Variants in SCAPER observed in about 807,000 individuals in gnomAD.
SCAPER encodes the protein S phase cyclin A-associated protein in the endoplasmic reticulum.
SCAPER carries 98 observed loss-of-function variants against 182.2 expected under a neutral mutation model. That is an observed-to-expected ratio of 0.54 (90% confidence interval 0.46 to 0.64). SCAPER has a LOEUF of 0.64. Ranked by LOEUF, SCAPER falls within the 30% of genes least tolerant of loss-of-function variation. SCAPER has a pLI of 0.00. For synonymous variants in SCAPER, 605 were observed against 564.6 expected, an observed-to-expected ratio of 1.07 and a Z score of -1.01; for missense variants, 1,432 against 1,690.0, an observed-to-expected ratio of 0.85 and a Z score of 2.68.
At chr15:76,826,915 T>A (rs1419100780) in intron 5 of SCAPER, among the ~76,000 whole-genome samples, 1 of 152,252 alleles carries the variant, frequency 6.6e-6, no homozygotes, top group Non-Finnish European at 1.5e-5. Context: ...GGCTAGATTA[T>A]ATGATTTTTA....
chr15:76,813,144 C>T (rs1430291306), intron 5 of SCAPER, among the ~76,000 whole-genome samples: 11 of 142,778 alleles, frequency 7.7e-5, no homozygotes, highest in Non-Finnish European at 1.7e-4. Flanking sequence ...AACACATTAG[C>T]ACAATGATAG....
At chr15:76,852,071 C>A (rs1457526980) in intron 4 of SCAPER, among the ~76,000 whole-genome samples, 1 of 151,430 alleles carries the variant, frequency 6.6e-6, no homozygotes, top group African/African-American at 2.4e-5. Flanking sequence ...TTTGGGCCAA[C>A]AAAGATCAAA....
At chr15:76,443,725 C>T (rs1424266925) in intron 25 of SCAPER, among the ~76,000 whole-genome samples, 2 of 152,210 alleles carry the variant, frequency 1.3e-5, no homozygotes, top group Non-Finnish European at 1.5e-5. Context: ...TTGATGAGTG[C>T]CGAAACCATT....
chr15:76,698,253 T>C (rs1276167049), intron 20 of SCAPER, among the ~76,000 whole-genome samples: 2 of 151,924 alleles, frequency 1.3e-5, no homozygotes, highest in African/African-American at 4.8e-5. Context: ...AAATTGAGAG[T>C]TCTACTCCCA....
chr15:76,878,901 TCAAA>T (rs879263672), intron 2 of SCAPER, among the ~76,000 whole-genome samples: 5 of 152,004 alleles, frequency 3.3e-5, no homozygotes, highest in Non-Finnish European at 5.9e-5. Flanking sequence ...TGGCCAATAA[TCAAA>T]CAAAGAAGTA....
At chr15:76,559,924 GTGTGTGTGTA>G (rs925844041) in intron 23 of SCAPER, among the ~76,000 whole-genome samples, 2 of 152,138 alleles carry the variant, frequency 1.3e-5, no homozygotes, top group Non-Finnish European at 2.9e-5. Flanking sequence ...ATATGTGTGT[GTGTGTGTGTA>G]TGTGTGTGTG....
intron 2 of SCAPER, among the ~76,000 whole-genome samples, chr15:76,876,192 C>T (rs1024300953): frequency 2.0e-5 from 3 of 152,194 alleles, no homozygotes; most frequent in African/African-American, 4.8e-5. Context: ...GCCCGTGCCT[C>T]TCCCTCCACA....
intron 23 of SCAPER, among the ~76,000 whole-genome samples, chr15:76,535,632 G>T (rs911568016): frequency 2.0e-5 from 3 of 146,566 alleles, no homozygotes; most frequent in Non-Finnish European, 3.0e-5. Context: ...GAAAATTTAT[G>T]TTGCCCAGAC....
chr15:76,617,394 T>C (rs939098996), intron 22 of SCAPER, among the ~76,000 whole-genome samples: 4 of 152,226 alleles, frequency 2.6e-5, no homozygotes, highest in African/African-American at 9.6e-5. Flanking sequence ...ACCTTTGTCG[T>C]TGCATCAGTA....
chr15:76,736,803 T>G (rs1395517561), intron 15 of SCAPER: 1 of 157,998 alleles, frequency 6.3e-6, no homozygotes, highest in East Asian at 1.8e-4. Context: ...CCATCCCTGA[T>G]AGAGGAGGAC....
In SCAPER at chr15:76,602,300, C is replaced by G. The variant is rs2066754097; in HGVS notation, c.2711+19464G>C. On this transcript the variant is annotated intron_variant, in intron 22 of 31. Coordinates refer to ENST00000563290, the MANE Select transcript of SCAPER (RefSeq NM_020843.4). ...ACTTCTTTTAACATTTCCTGCAAGGCAAGTCTAATAGCAACAATTCCCTCA... is the reference window on the plus strand; with the variant it reads ...ACTTCTTTTAACATTTCCTGCAAGGGAAGTCTAATAGCAACAATTCCCTCA... 1.6e-5 allele frequency among the ~76,000 whole-genome samples: 2 copies of G among 121,560 alleles called. 1 individual carries two copies. Among genetic ancestry groups the G allele is most frequent in the Non-Finnish European group, 4.0e-5 (2 of 50,004 alleles). 79.7% of individuals were successfully genotyped at this position (121,560 alleles called of 152,430 possible). A position where few individuals can be genotyped will look rare whatever the true frequency, so the allele number is the denominator to read the frequency against.
chr15:76,888,517 T>C (rs941430739), intron 1 of SCAPER, among the ~76,000 whole-genome samples: 2 of 152,100 alleles, frequency 1.3e-5, no homozygotes, highest in African/African-American at 2.4e-5. Context: ...GCAAGAGAAC[T>C]TCGTGACGCA....
chr15:76,689,347 G>A (rs549121733), intron 20 of SCAPER, among the ~76,000 whole-genome samples: 1 of 152,116 alleles, frequency 6.6e-6, no homozygotes, highest in African/African-American at 2.4e-5. Flanking sequence ...AAAACCATTA[G>A]CAAGTTTGAT....
At chr15:76,809,646 G>A (rs960585230) in intron 5 of SCAPER, among the ~76,000 whole-genome samples, 1 of 152,122 alleles carries the variant, frequency 6.6e-6, no homozygotes, top group Non-Finnish European at 1.5e-5. Flanking sequence ...ATGCATTATT[G>A]GAGTTAGAAA....
intron 23 of SCAPER, among the ~76,000 whole-genome samples, chr15:76,517,948 G>T (rs2042565171): frequency 6.6e-6 from 1 of 151,982 alleles, no homozygotes; most frequent in African/African-American, 2.4e-5. Flanking sequence ...AGAATATAAA[G>T]GAATGTTAAG....
At chr15:76,572,054 T>C (rs1358495659) in intron 23 of SCAPER, among the ~76,000 whole-genome samples, 1 of 152,180 alleles carries the variant, frequency 6.6e-6, no homozygotes, top group Non-Finnish European at 1.5e-5. Context: ...ACAGACCATT[T>C]AGACTGGGAG....
chr15:76,878,781 G>A (rs1343586324), intron 2 of SCAPER, among the ~76,000 whole-genome samples: 1 of 151,904 alleles, frequency 6.6e-6, no homozygotes, highest in Non-Finnish European at 1.5e-5. Flanking sequence ...AAGAAAAAAA[G>A]AAGAGGAAGA....
intron 5 of SCAPER, among the ~76,000 whole-genome samples, chr15:76,824,707 G>A (rs1202203917): frequency 6.9e-6 from 1 of 145,254 alleles, no homozygotes; most frequent in Non-Finnish European, 1.5e-5. Flanking sequence ...ACAATCTTCA[G>A]TTTTCAATCA....
At chr15:76,800,166 A>T (rs1447668679) in intron 7 of SCAPER, 82 bp downstream of exon 7, 2 of 570,068 alleles carry the variant, frequency 3.5e-6, no homozygotes, top group African/African-American at 4.2e-5. Flanking sequence ...TTTTTATAGT[A>T]GAATATCAGA....
Sources: gnomAD v4.1 joint callset for allele counts (sites outside exome capture counted in the v4.1 genomes callset) on GRCh38, gnomAD v4.1.1 for gene constraint, MANE v1.5 for transcripts, NCBI Gene and HGNC (gene_info 2026-07-23, HGNC 2026-07-21) for gene names.